Variants in WDFY2 observed in about 807,000 individuals in gnomAD.
The protein encoded by WDFY2 is WD repeat and FYVE domain-containing protein 2.
A neutral mutation model predicts 56.4 loss-of-function variants in WDFY2; 36 were observed. The observed-to-expected ratio is 0.64, with a 90% CI of 0.49 to 0.84. The LOEUF (loss-of-function observed/expected upper bound fraction) is 0.84, where lower values mean the gene tolerates loss of function less well. Among genes scored for constraint, WDFY2 ranks in the 40% least tolerant of loss-of-function variants. WDFY2 has a pLI of 0.00. For missense variants in WDFY2, 444 were observed against 512.2 expected, an observed-to-expected ratio of 0.87 and a Z score of 1.29; for synonymous variants, 176 against 183.7, an observed-to-expected ratio of 0.96 and a Z score of 0.34.
intron 2 of WDFY2, among the ~76,000 whole-genome samples, chr13:51,669,921 T>C (rs1955777524): frequency 6.6e-6 from 1 of 152,232 alleles, no homozygotes; most frequent in African/African-American, 2.4e-5. Flanking sequence ...TCATCTAGAG[T>C]TCAGGAATGC....
intron 5 of WDFY2, 75 bp downstream of exon 5, chr13:51,719,423 A>G (rs1952439557): frequency 1.3e-6 from 2 of 1,485,992 alleles, no homozygotes; most frequent in African/African-American, 1.4e-5. Flanking sequence ...ATTTTGGGGT[A>G]TGTGCAGCTT....
At chr13:51,613,473 A>G (rs1020235727) in intron 1 of WDFY2, among the ~76,000 whole-genome samples, 1 of 152,212 alleles carries the variant, frequency 6.6e-6, no homozygotes, top group Non-Finnish European at 1.5e-5. Flanking sequence ...AAATAGTTCC[A>G]TCAGCTTGTG....
chr13:51,654,385 C>T (rs755304167), intron 1 of WDFY2, among the ~76,000 whole-genome samples: 7 of 152,212 alleles, frequency 4.6e-5, no homozygotes, highest in Non-Finnish European at 1.0e-4. Flanking sequence ...CTTCAGCTCA[C>T]ACTCGGTGTG....
chr13:51,633,172 C>T (rs979997279), intron 1 of WDFY2, among the ~76,000 whole-genome samples: 16 of 152,196 alleles, frequency 1.1e-4, no homozygotes, highest in African/African-American at 3.6e-4. Flanking sequence ...CCTAGGCATC[C>T]AGGCAGAAAC....
intron 1 of WDFY2, among the ~76,000 whole-genome samples, chr13:51,640,050 T>G (rs1955126416): frequency 6.6e-6 from 1 of 152,234 alleles, no homozygotes; most frequent in African/African-American, 2.4e-5. Context: ...TTCAAGGTGG[T>G]TCATTCATTT....
chr13:51,750,214 T>A (rs2138714674), intron 7 of WDFY2, among the ~76,000 whole-genome samples: 1 of 152,284 alleles, frequency 6.6e-6, no homozygotes, highest in Non-Finnish European at 1.5e-5. Flanking sequence ...TGTTCTGTGA[T>A]TTTAGGAGGA....
chr13:51,616,024 A>G (rs1333031106), intron 1 of WDFY2, among the ~76,000 whole-genome samples: 1 of 152,208 alleles, frequency 6.6e-6, no homozygotes, highest in African/African-American at 2.4e-5. Flanking sequence ...CAGGAGGATC[A>G]CTTGAGCCCA....
In WDFY2 at chr13:51,702,726, G is replaced by A. The variant is rs1164593340; in HGVS notation, c.280-870G>A. On this transcript the variant is annotated intron_variant, in intron 3 of 11. Coordinates refer to ENST00000298125, the MANE Select transcript of WDFY2 (RefSeq NM_052950.4). The stretch of plus-strand genomic sequence containing the variant: ...AAGTTATCAAAGAAAAATCCTGTAT[G>A]CTTCCAAATATTTTGAAAAGATTAA... Among the ~76,000 whole-genome samples, 3 of 152,122 alleles carry A rather than the reference G, an allele frequency of 2.0e-5. No individual in the cohort carries two copies. The East Asian group carries it at 5.8e-4, about 29-fold the overall frequency.
intron 1 of WDFY2, among the ~76,000 whole-genome samples, chr13:51,640,806 C>G (rs930221213): frequency 1.3e-5 from 2 of 150,546 alleles, no homozygotes; most frequent in Non-Finnish European, 2.9e-5. Context: ...GCTGAGATCA[C>G]GCCATTGCAC....
Position 51,672,636 on chromosome 13 carries a change from C to T in WDFY2, c.206-2534C>T, listed in dbSNP as rs150475456. On this transcript the variant is annotated intron_variant, in intron 2 of 11. Coordinates refer to ENST00000298125, the MANE Select transcript of WDFY2 (RefSeq NM_052950.4). ...CCTTGAATTTGTTGATTGCTTTTGGCGGTATGTTCATTTTCACAATATTGA... is the reference window on the plus strand; with the variant it reads ...CCTTGAATTTGTTGATTGCTTTTGGTGGTATGTTCATTTTCACAATATTGA... 8.2e-3 allele frequency among the ~76,000 whole-genome samples: 1,250 copies of T among 152,104 alleles called. 12 individuals are homozygous for T. Among genetic ancestry groups the T allele is most frequent in the Non-Finnish European group, 0.013 (884 of 67,980 alleles).
chr13:51,600,992 A>G (rs1954268062), intron 1 of WDFY2, among the ~76,000 whole-genome samples: 2 of 152,168 alleles, frequency 1.3e-5, no homozygotes, highest in Non-Finnish European at 2.9e-5. Context: ...CCTGTAGTGA[A>G]TATAAGATGA....
At chr13:51,636,982 A>G (rs1955067767) in intron 1 of WDFY2, among the ~76,000 whole-genome samples, 1 of 152,210 alleles carries the variant, frequency 6.6e-6, no homozygotes, top group African/African-American at 2.4e-5. Context: ...CTCAAATTAT[A>G]AAACTTCTAG....
chr13:51,682,487 T>A (rs1252660642), intron 3 of WDFY2, among the ~76,000 whole-genome samples: 1 of 152,218 alleles, frequency 6.6e-6, no homozygotes, highest in Admixed American at 6.5e-5. Flanking sequence ...ACTGAATTAA[T>A]GAGCGAGTAA....
chr13:51,719,086 T>C, intron 4 of WDFY2, 112 bp from the exon 5 acceptor site: 1 of 1,450,220 alleles, frequency 6.9e-7, no homozygotes, highest in Middle Eastern at 1.7e-4. Context: ...ATGGTTCTGC[T>C]GTTCAGCTTA....
At chr13:51,743,763 C>G (rs533125282) in intron 7 of WDFY2, among the ~76,000 whole-genome samples, 2 of 152,174 alleles carry the variant, frequency 1.3e-5, no homozygotes, top group Admixed American at 6.5e-5. Context: ...TGGCACCGTT[C>G]GCCAGTTTTA....
chr13:51,625,909 G>A (rs1954827952), intron 1 of WDFY2, among the ~76,000 whole-genome samples: 1 of 152,200 alleles, frequency 6.6e-6, no homozygotes, highest in Non-Finnish European at 1.5e-5. Flanking sequence ...CTGTTAGATT[G>A]TTTTAATGTT....
intron 4 of WDFY2, among the ~76,000 whole-genome samples, chr13:51,712,859 A>G (rs1215914844): frequency 6.6e-6 from 1 of 152,166 alleles, no homozygotes; most frequent in East Asian, 1.9e-4. Context: ...ACTTTATACT[A>G]ATAAATTTGA....
intron 3 of WDFY2, among the ~76,000 whole-genome samples, chr13:51,687,628 G>A (rs1481854335): frequency 2.0e-5 from 3 of 151,316 alleles, no homozygotes; most frequent in Admixed American, 2.0e-4. Flanking sequence ...AAAAAAAAAA[G>A]GAGTATTATT....
intron 1 of WDFY2, among the ~76,000 whole-genome samples, chr13:51,647,640 T>G (rs1955285783): frequency 6.6e-6 from 1 of 152,006 alleles, no homozygotes; most frequent in Non-Finnish European, 1.5e-5. Context: ...CATCTGTAGT[T>G]TAGCTACTTG....
Sources: allele counts gnomAD v4.1 joint callset (sites outside exome capture counted in the v4.1 genomes callset), GRCh38; gene constraint gnomAD v4.1.1; transcripts MANE v1.5; gene names NCBI Gene and HGNC (gene_info 2026-07-23, HGNC 2026-07-21).